Variants in UNC5D observed in about 807,000 individuals in gnomAD.
UNC5D encodes the protein unc-5 netrin receptor D.
Under a neutral mutation model 105.4 loss-of-function variants are expected in UNC5D, and 39 were observed. The observed-to-expected ratio is 0.37, with a 90% CI of 0.29 to 0.48. UNC5D has a LOEUF of 0.48. UNC5D is among the 20% of genes least tolerant of loss of function. The pLI is 0.98. For missense variants in UNC5D, 991 were observed against 1,202.4 expected (o/e 0.82, Z 2.60); for synonymous variants, 452 against 450.4 (o/e 1.00, Z -0.04).
intron 1 of UNC5D, among the ~76,000 whole-genome samples, chr8:35,448,604 A>G (rs1807948342): frequency 1.3e-5 from 2 of 151,844 alleles, no homozygotes. Context: ...AGTGATTTAA[A>G]CCCTCATATT....
At chr8:35,698,299 T>A (rs1004683977) in intron 7 of UNC5D, among the ~76,000 whole-genome samples, 6 of 151,946 alleles carry the variant, frequency 3.9e-5, no homozygotes. Flanking sequence ...CTTAGCAGAT[T>A]TCAAGTATAC....
intron 2 of UNC5D, among the ~76,000 whole-genome samples, chr8:35,566,968 A>T (rs143591038): frequency 2.6e-5 from 4 of 152,114 alleles, no homozygotes; most frequent in African/African-American, 9.7e-5. Flanking sequence ...CTCATCCCAA[A>T]GAAAGAAAGG....
intron 1 of UNC5D, among the ~76,000 whole-genome samples, chr8:35,512,720 G>A (rs186747775): frequency 3.3e-4 from 50 of 150,056 alleles, no homozygotes; most frequent in Non-Finnish European, 2.5e-4. Flanking sequence ...GAACTTACCC[G>A]TTTTAGAAAA....
At chr8:35,495,455 CAACAAAAAAAAAAAA>C (rs1811503061) in intron 1 of UNC5D, among the ~76,000 whole-genome samples, 3 of 32,428 alleles carry the variant, frequency 9.3e-5, no homozygotes, top group African/African-American at 2.0e-4. Context: ...ACAACAACAA[CAACAAAAAAAAAAAA>C]AAAAAAAAAA....
intron 1 of UNC5D, among the ~76,000 whole-genome samples, chr8:35,333,985 A>G (rs535588145): frequency 6.6e-6 from 1 of 152,342 alleles, no homozygotes; most frequent in South Asian, 2.1e-4. Context: ...CAACATCAAT[A>G]AAAATGACTC....
intron 8 of UNC5D, among the ~76,000 whole-genome samples, chr8:35,717,597 C>T (rs1250251969): frequency 6.6e-6 from 1 of 152,150 alleles, no homozygotes; most frequent in Non-Finnish European, 1.5e-5. Flanking sequence ...ACTGTAAAGT[C>T]GTGCTTTCTT....
At chr8:35,604,897 G>A (rs1415145820) in intron 4 of UNC5D, among the ~76,000 whole-genome samples, 2 of 152,138 alleles carry the variant, frequency 1.3e-5, no homozygotes, top group Non-Finnish European at 2.9e-5. Context: ...AGCTCCATCA[G>A]GTCCTTTAAG....
chr8:35,775,621 A>G (rs1265550674), intron 16 of UNC5D, among the ~76,000 whole-genome samples: 1 of 151,432 alleles, frequency 6.6e-6, no homozygotes, highest in Non-Finnish European at 1.5e-5. Flanking sequence ...TTTTTCTTTC[A>G]GGCAAAACCT....
At chr8:35,296,959 T>C (rs1202796058) in intron 1 of UNC5D, among the ~76,000 whole-genome samples, 2 of 152,196 alleles carry the variant, frequency 1.3e-5, no homozygotes, top group African/African-American at 2.4e-5. Context: ...ATAATATTGA[T>C]AGTAACAGAT....
chr8:35,512,502 A>C (rs1198934524), intron 1 of UNC5D, among the ~76,000 whole-genome samples: 1 of 114,486 alleles, frequency 8.7e-6, no homozygotes, highest in Non-Finnish European at 1.7e-5. Context: ...ATATATATAT[A>C]TATATATCTG....
At chr8:35,591,354 TG>T (rs1204260702) in intron 3 of UNC5D, among the ~76,000 whole-genome samples, 1 of 152,196 alleles carries the variant, frequency 6.6e-6, no homozygotes, top group Non-Finnish European at 1.5e-5. Flanking sequence ...TTATTCTTTT[TG>T]CTTGTTTTCT....
chr8:35,254,467 AAAGCAATAT>A (rs1197968339), intron 1 of UNC5D: 6 of 152,214 alleles, frequency 3.9e-5, no homozygotes, highest in African/African-American at 1.4e-4. Context: ...CCAGAAGTGT[AAAGCAATAT>A]GAAGATGCTA....
chr8:35,500,614 C>G (rs1811902336), intron 1 of UNC5D, among the ~76,000 whole-genome samples: 3 of 152,104 alleles, frequency 2.0e-5, no homozygotes, highest in Admixed American at 2.0e-4. Flanking sequence ...GTCTGTAAAC[C>G]ATATTTATGC....
At chr8:35,524,653 A>AG (rs1352819267) in intron 1 of UNC5D, among the ~76,000 whole-genome samples, 1 of 147,152 alleles carries the variant, frequency 6.8e-6, no homozygotes, top group African/African-American at 2.5e-5. Context: ...AAAAAAAAAA[A>AG]AAGAAAAAAG....
intron 4 of UNC5D, among the ~76,000 whole-genome samples, chr8:35,643,542 G>A (rs544155373): frequency 3.9e-5 from 6 of 151,942 alleles, no homozygotes; most frequent in Non-Finnish European, 5.9e-5. Flanking sequence ...GTAGAGACAG[G>A]GTTTATATTG....
At chr8:35,374,152 T>C (rs1802565998) in intron 1 of UNC5D, among the ~76,000 whole-genome samples, 1 of 152,214 alleles carries the variant, frequency 6.6e-6, no homozygotes, top group Non-Finnish European at 1.5e-5. Flanking sequence ...AATTAACCAC[T>C]GTACCTTCAC....
chr8:35,719,988 C>A (rs2131526857), intron 8 of UNC5D, among the ~76,000 whole-genome samples: 1 of 152,270 alleles, frequency 6.6e-6, no homozygotes, highest in Non-Finnish European at 1.5e-5. Flanking sequence ...ACACACTGAG[C>A]CATATCAAAC....
intron 3 of UNC5D, among the ~76,000 whole-genome samples, chr8:35,590,587 C>T (rs1225751375): frequency 6.6e-6 from 1 of 152,090 alleles, no homozygotes. Context: ...TGATTTATGA[C>T]AAAGCTACCC....
chr8:35,373,159 A>G (rs1049955319), intron 1 of UNC5D, among the ~76,000 whole-genome samples: 6 of 152,188 alleles, frequency 3.9e-5, no homozygotes, highest in African/African-American at 1.4e-4. Context: ...AATAAATAGC[A>G]TCACTAATGC....
Sources: allele counts gnomAD v4.1 joint callset (sites outside exome capture counted in the v4.1 genomes callset), GRCh38; gene constraint gnomAD v4.1.1; transcripts MANE v1.5; gene names NCBI Gene and HGNC (gene_info 2026-07-23, HGNC 2026-07-21).